Variants in RBMS1 observed in about 807,000 individuals in gnomAD.
The protein encoded by RBMS1 is RNA-binding motif, single-stranded-interacting protein 1.
RBMS1 carries 17 observed loss-of-function variants against 62.3 expected under a neutral mutation model. That is an observed-to-expected ratio of 0.27 (90% CI 0.19 to 0.41). The LOEUF is 0.41. Ranked by LOEUF, RBMS1 falls within the 10% of genes least tolerant of loss-of-function variation. RBMS1 has a pLI of 1.00. For missense variants in RBMS1, 334 were observed against 504.5 expected (o/e 0.66, Z 3.24); for synonymous variants, 172 against 170.0 (o/e 1.01, Z -0.09).
intron 2 of RBMS1, among the ~76,000 whole-genome samples, chr2:160,353,220 A>G (rs1692613632): frequency 6.6e-6 from 1 of 152,116 alleles, no homozygotes; most frequent in Non-Finnish European, 1.5e-5. Flanking sequence ...AATACCACTT[A>G]TAAATATTTT....
intron 1 of RBMS1, among the ~76,000 whole-genome samples, chr2:160,447,890 T>C (rs1328242722): frequency 6.6e-6 from 1 of 152,210 alleles, no homozygotes; most frequent in Non-Finnish European, 1.5e-5. Context: ...CCATCTCCTT[T>C]CCCCAAGACT....
chr2:160,439,789 C>T (rs1559552826), intron 1 of RBMS1, among the ~76,000 whole-genome samples: 1 of 152,222 alleles, frequency 6.6e-6, no homozygotes, highest in South Asian at 2.1e-4. Flanking sequence ...GAACGAGACT[C>T]CGTCTGCAAT....
intron 1 of RBMS1, among the ~76,000 whole-genome samples, chr2:160,369,703 G>T (rs1276770910): frequency 6.6e-6 from 1 of 152,146 alleles, no homozygotes; most frequent in African/African-American, 2.4e-5. Context: ...GATCAGGCCC[G>T]CCCCTACCTC....
At chr2:160,481,101 A>C (rs1685351646) in intron 1 of RBMS1, among the ~76,000 whole-genome samples, 1 of 147,574 alleles carries the variant, frequency 6.8e-6, no homozygotes, top group Admixed American at 6.8e-5. Flanking sequence ...AAAAAAAAGC[A>C]GGAGTCCAGA....
chr2:160,285,255 G>A (rs1437242357), intron 7 of RBMS1, among the ~76,000 whole-genome samples: 1 of 151,462 alleles, frequency 6.6e-6, no homozygotes, highest in East Asian at 1.9e-4. Flanking sequence ...GGAGACCCCT[G>A]TCTCTTAAAA....
chr2:160,413,505 G>T (rs535901547), intron 1 of RBMS1, among the ~76,000 whole-genome samples: 6 of 151,952 alleles, frequency 3.9e-5, no homozygotes, highest in African/African-American at 7.3e-5. Context: ...AAACGTAAAG[G>T]CTCCCTAGAC....
chr2:160,462,289 GGAC>G (rs1684499151), intron 1 of RBMS1, among the ~76,000 whole-genome samples: 1 of 152,186 alleles, frequency 6.6e-6, no homozygotes, highest in South Asian at 2.1e-4. Context: ...CTTAGTATAA[GGAC>G]ACAATGCCTG....
chr2:160,326,126 T>C (rs1379771825), intron 2 of RBMS1, among the ~76,000 whole-genome samples: 1 of 152,088 alleles, frequency 6.6e-6, no homozygotes, highest in Non-Finnish European at 1.5e-5. Context: ...ACTGCAGACC[T>C]AAAGGTCAGA....
intron 1 of RBMS1, among the ~76,000 whole-genome samples, chr2:160,475,853 C>T (rs980368462): frequency 1.5e-5 from 2 of 131,772 alleles, no homozygotes; most frequent in Non-Finnish European, 3.2e-5. Flanking sequence ...GTAGAATGGG[C>T]CCCCCATTTT....
At chr2:160,425,472 G>A (rs563840926) in intron 1 of RBMS1, among the ~76,000 whole-genome samples, 13 of 152,062 alleles carry the variant, frequency 8.5e-5, no homozygotes, top group Admixed American at 3.3e-4. Flanking sequence ...TAAAACCACC[G>A]GGTACTGTGC....
Position 160,284,986 on chromosome 2 carries a change from A to C in RBMS1, c.806+9T>G. On this transcript the variant is annotated intron_variant, in intron 8 of 13. Coordinates refer to ENST00000348849, the MANE Select transcript of RBMS1 (RefSeq NM_016836.4). The stretch of plus-strand genomic sequence containing the variant: ...CTCAAGCCATTATGGATTTATTTTA[A>C]CGACATACCCGTTCTGTATAGCAGC... 1 of 1,611,502 alleles carries C rather than the reference A, an allele frequency of 6.2e-7. No individual in the cohort carries two copies. Among genetic ancestry groups the C allele is most frequent in the Non-Finnish European group, 8.5e-7 (1 of 1,177,604 alleles).
intron 1 of RBMS1, among the ~76,000 whole-genome samples, chr2:160,426,313 G>GAAA (rs1682612138): frequency 2.4e-5 from 2 of 82,364 alleles, no homozygotes; most frequent in Non-Finnish European, 2.9e-5. Flanking sequence ...AAGGAAGGAA[G>GAAA]GAAGGAAGGA....
intron 2 of RBMS1, 35 bp from the exon 3 acceptor site, chr2:160,318,262 G>GAAAAAAAA: frequency 7.5e-7 from 1 of 1,340,310 alleles, no homozygotes; most frequent in Non-Finnish European, 9.5e-7. Context: ...AGGAAAAAAA[G>GAAAAAAAA]AAAAGAAAGA....
intron 1 of RBMS1, among the ~76,000 whole-genome samples, chr2:160,399,088 T>C (rs1436968700): frequency 6.6e-6 from 1 of 152,208 alleles, no homozygotes; most frequent in East Asian, 1.9e-4. Flanking sequence ...AAAGCCCATG[T>C]TTTCTATCTT....
At position 160,323,608 on chromosome 2, in the gene RBMS1, GAAAGA is replaced by G. The variant is rs1391995639; in HGVS notation, c.252-5386_252-5382del. Among the ~76,000 whole-genome samples, 7 of 84,750 alleles carry G rather than the reference GAAAGA, an allele frequency of 8.3e-5. No homozygotes were observed. In the East Asian group the frequency reaches 1.6e-3, roughly 19 times the overall value. The allele number at this position is 84,750 out of a possible 152,430, so 55.6% of individuals were successfully genotyped here. A position where few individuals can be genotyped will look rare whatever the true frequency, so the allele number is the denominator to read the frequency against. On this transcript the variant is annotated intron_variant, in intron 2 of 13. Coordinates refer to ENST00000348849, the MANE Select transcript of RBMS1 (RefSeq NM_016836.4). ...CAAACAGCATGATGTAGAATTTCAT[GAAAGA>G]AAAAAAAAAAAAAAAAAACTGTGAC... is the stretch of plus-strand genomic sequence containing the variant.
At chr2:160,445,489 G>A (rs1473278579) in intron 1 of RBMS1, among the ~76,000 whole-genome samples, 1 of 151,780 alleles carries the variant, frequency 6.6e-6, no homozygotes, top group Non-Finnish European at 1.5e-5. Context: ...TCAGTGAAAG[G>A]AATTATCAGT....
In RBMS1 at chr2:160,333,693, G is replaced by C. The variant is rs114024186; in HGVS notation, c.252-15466C>G. Among the ~76,000 whole-genome samples the C allele has an allele frequency of 2.9e-3, 441 of 152,266 alleles. 2 individuals carry two copies. The highest frequency in any genetic ancestry group is 4.3e-3 in the Non-Finnish European group (292 of 68,018). On this transcript the variant is annotated intron_variant, in intron 2 of 13. Coordinates refer to ENST00000348849, the MANE Select transcript of RBMS1 (RefSeq NM_016836.4). ...TGATGGAGCCAATAAGACAGGAACGGGGAAAGTGAAGTACAGGATGGGTGG... is the reference window on the plus strand; with the variant it reads ...TGATGGAGCCAATAAGACAGGAACGCGGAAAGTGAAGTACAGGATGGGTGG...
At chr2:160,400,824 G>A (rs1262527220) in intron 1 of RBMS1, among the ~76,000 whole-genome samples, 1 of 151,974 alleles carries the variant, frequency 6.6e-6, no homozygotes, top group Non-Finnish European at 1.5e-5. Flanking sequence ...GAGTTTGCAG[G>A]AAACAAAAAT....
At chr2:160,290,348 C>T (rs1165983959) in intron 6 of RBMS1, among the ~76,000 whole-genome samples, 1 of 151,658 alleles carries the variant, frequency 6.6e-6, no homozygotes. Context: ...TAAGTTTGGC[C>T]AAATTAATAT....
Sources: allele counts gnomAD v4.1 joint callset (sites outside exome capture counted in the v4.1 genomes callset), GRCh38; gene constraint gnomAD v4.1.1; transcripts MANE v1.5; gene names NCBI Gene and HGNC (gene_info 2026-07-23, HGNC 2026-07-21).